PSPC1: variants seen among roughly 807,000 people sequenced by gnomAD.
PSPC1 encodes paraspeckle component 1, also known as paraspeckle protein 1.
In PSPC1, 14 loss-of-function variants were observed where a neutral mutation model predicts 51.6. The ratio of observed to expected loss-of-function variants is 0.27; its 90% CI spans 0.18 to 0.42. The LOEUF (loss-of-function observed/expected upper bound fraction) is 0.42. Among genes scored for constraint, PSPC1 ranks in the 10% least tolerant of loss-of-function variants. PSPC1 has a pLI of 1.00. For synonymous variants in PSPC1, 193 were observed against 231.9 expected, an observed-to-expected ratio of 0.83 and a Z score of 1.53; for missense variants, 406 against 701.1, an observed-to-expected ratio of 0.58 and a Z score of 4.75.
chr13:19,711,858 G>C (rs1391042405), intron 6 of PSPC1, among the ~76,000 whole-genome samples: 42 of 149,624 alleles, frequency 2.8e-4, no homozygotes, highest in Non-Finnish European at 5.9e-5. Flanking sequence ...AAAAAAAAAA[G>C]CTAGACTGTA....
At chr13:19,704,502 GCTTT>G (rs1370810919) in intron 8 of PSPC1, among the ~76,000 whole-genome samples, 11 of 152,266 alleles carry the variant, frequency 7.2e-5, no homozygotes, top group African/African-American at 2.7e-4. Flanking sequence ...AACAGGCAGT[GCTTT>G]CTTTCTTTCT....
intron 2 of PSPC1, among the ~76,000 whole-genome samples, chr13:19,770,063 G>T (rs967413961): frequency 6.6e-6 from 1 of 152,064 alleles, no homozygotes; most frequent in African/African-American, 2.4e-5. Flanking sequence ...ACATAGTTAT[G>T]TCCATACCAT....
At chr13:19,771,280 G>A (rs187533025) in intron 2 of PSPC1, among the ~76,000 whole-genome samples, 1 of 152,214 alleles carries the variant, frequency 6.6e-6, no homozygotes, top group African/African-American at 2.4e-5. Context: ...TGGGATTACA[G>A]GCACGCAGCA....
chr13:19,711,856 A>G (rs998232744), intron 6 of PSPC1, among the ~76,000 whole-genome samples: 12 of 151,934 alleles, frequency 7.9e-5, no homozygotes, highest in African/African-American at 2.9e-4. Context: ...AAAAAAAAAA[A>G]AGCTAGACTG....
downstream of PSPC1, among the ~76,000 whole-genome samples, chr13:19,701,577 TC>T (rs1879909131): frequency 6.6e-6 from 1 of 152,172 alleles, no homozygotes; most frequent in African/African-American, 2.4e-5. Flanking sequence ...ACACTGTGTA[TC>T]AAAAAAATAG....
chr13:19,781,698 TG>T (rs1400800593), intron 1 of PSPC1, among the ~76,000 whole-genome samples: 3 of 152,214 alleles, frequency 2.0e-5, no homozygotes, highest in African/African-American at 7.2e-5. Context: ...AGAAATAAAG[TG>T]GCAGGCCAAG....
At chr13:19,722,690 A>G (rs1164544042) in intron 6 of PSPC1, among the ~76,000 whole-genome samples, 4 of 152,042 alleles carry the variant, frequency 2.6e-5, no homozygotes, top group Non-Finnish European at 2.9e-5. Flanking sequence ...GCTACTCGGG[A>G]GGGTGAAGCA....
chr13:19,693,992 G>A (rs1439774196), intron 6 of PSPC1, among the ~76,000 whole-genome samples: 10 of 151,408 alleles, frequency 6.6e-5, no homozygotes, highest in South Asian at 4.2e-4. Flanking sequence ...GTGTGGTGGC[G>A]GGCGCCTGTA....
chr13:19,711,221 A>G (rs1881367522), intron 6 of PSPC1, among the ~76,000 whole-genome samples: 1 of 152,146 alleles, frequency 6.6e-6, no homozygotes, highest in African/African-American at 2.4e-5. Flanking sequence ...GCTGACCTGC[A>G]AAAAAAGCTA....
rs754743203 is a variant in PSPC1, at chr13:19,782,602, A to AGGCGCG, written c.150_155dup (p.Ala51_Pro52dup). Reference sequence around the variant, plus strand: ...TCTCCTCGTCCGGGTGGTCCTCTGGAGGCGCGGGCGCGGGCGGTGCCGGCT... The same window carrying AGGCGCG: ...TCTCCTCGTCCGGGTGGTCCTCTGGAGGCGCGGGCGCGGGCGCGGGCGGTGCCGGCT... On this transcript the variant is annotated inframe_insertion, in exon 1 of 9. Transcript: ENST00000338910. The surrounding 1 kb of genome is among the most constrained non-coding windows in gnomAD (Gnocchi z 4.5). 106 of 1,583,878 alleles carry AGGCGCG rather than the reference A, an allele frequency of 6.7e-5. No homozygotes were observed. The South Asian group carries it at 9.7e-4, about 14-fold the overall frequency.
chr13:19,770,029 A>G (rs574623809), intron 2 of PSPC1, among the ~76,000 whole-genome samples: 4 of 135,096 alleles, frequency 3.0e-5, no homozygotes, highest in African/African-American at 9.9e-5. Flanking sequence ...CAACTCAAAT[A>G]TCCATCCATA....
At chr13:19,672,226 G>A (rs1876171811), downstream of PSPC1, 1 of 198,948 alleles carries the variant, frequency 5.0e-6, no homozygotes, top group Non-Finnish European at 1.0e-5. Context: ...CTCACTGCAA[G>A]CTCTGCCTCC....
intron 4 of PSPC1, among the ~76,000 whole-genome samples, chr13:19,743,482 CAA>C (rs60102690): frequency 0.69 from 103,892 of 151,540 alleles, 38,146 homozygotes; most frequent in East Asian, 0.89. Flanking sequence ...ATAAATTATG[CAA>C]AAAAAAAGGA....
intron 6 of PSPC1, among the ~76,000 whole-genome samples, chr13:19,721,845 A>G (rs1446777523): frequency 1.3e-5 from 2 of 152,212 alleles, no homozygotes; most frequent in African/African-American, 4.8e-5. Flanking sequence ...GGCTGCTTTT[A>G]AAAATACTCT....
intron 3 of PSPC1, among the ~76,000 whole-genome samples, chr13:19,753,618 C>T (rs1359629877): frequency 6.6e-6 from 1 of 152,018 alleles, no homozygotes; most frequent in African/African-American, 2.4e-5. Context: ...AAACAATTCC[C>T]ACTCCATGAA....
At chr13:19,681,471 T>A (rs964963289) in intron 6 of PSPC1, among the ~76,000 whole-genome samples, 10 of 152,180 alleles carry the variant, frequency 6.6e-5, no homozygotes, top group African/African-American at 2.4e-4. Context: ...TATGATCTAA[T>A]GAGCATGGAA....
intron 1 of PSPC1, among the ~76,000 whole-genome samples, chr13:19,780,745 T>G (rs370225918): frequency 8.0e-5 from 12 of 149,372 alleles, no homozygotes; most frequent in Admixed American, 2.0e-4. Flanking sequence ...TGACCTTCCC[T>G]CCACTATTGT....
At chr13:19,681,109 G>A (rs1877221294) in intron 6 of PSPC1, among the ~76,000 whole-genome samples, 1 of 152,076 alleles carries the variant, frequency 6.6e-6, no homozygotes, top group African/African-American at 2.4e-5. Flanking sequence ...TGGCTACTTG[G>A]GAGGCTGAGA....
intron 6 of PSPC1, among the ~76,000 whole-genome samples, chr13:19,721,840 C>CT (rs780990341): frequency 7.2e-5 from 11 of 152,168 alleles, no homozygotes; most frequent in Non-Finnish European, 1.5e-4. Context: ...TCTTTGGCTG[C>CT]TTTTAAAAAT....
Sources: gnomAD v4.1 joint callset for allele counts (sites outside exome capture counted in the v4.1 genomes callset) on GRCh38, gnomAD v4.1.1 for gene constraint, Gnocchi (gnomAD v3.1) non-coding constraint, MANE v1.5 for transcripts, NCBI Gene and HGNC (gene_info 2026-07-23, HGNC 2026-07-21) for gene names.